SRL: variants seen among roughly 807,000 people sequenced by gnomAD.
The protein encoded by SRL is sarcalumenin.
Under a neutral mutation model 39.5 loss-of-function variants are expected in SRL, and 23 were observed. That is an observed-to-expected ratio of 0.58 (90% CI 0.42 to 0.82). SRL has a LOEUF of 0.82. Ranked by LOEUF, SRL falls within the 40% of genes least tolerant of loss-of-function variation. The pLI, the probability that SRL is intolerant of heterozygous loss-of-function variation, is 0.00. For synonymous variants in SRL, 272 were observed against 237.4 expected, an observed-to-expected ratio of 1.15 and a Z score of -1.34; for missense variants, 592 against 607.8, an observed-to-expected ratio of 0.97 and a Z score of 0.27.
At chr16:4,209,847 A>G (rs1173635974) in intron 1 of SRL, among the ~76,000 whole-genome samples, 1 of 152,186 alleles carries the variant, frequency 6.6e-6, no homozygotes, top group African/African-American at 2.4e-5. Flanking sequence ...GCCCTGCCCT[A>G]GATACATCAC....
At chr16:4,226,563 A>G (rs1393382238) in intron 1 of SRL, among the ~76,000 whole-genome samples, 1 of 151,882 alleles carries the variant, frequency 6.6e-6, no homozygotes, top group East Asian at 1.9e-4. Context: ...GGAAAGATGG[A>G]TGGATGGGCA....
chr16:4,224,640 G>A (rs187200243), intron 1 of SRL, among the ~76,000 whole-genome samples: 31 of 152,082 alleles, frequency 2.0e-4, no homozygotes, highest in South Asian at 1.5e-3. Flanking sequence ...GAGCCCAGGA[G>A]ACGGAGTTTG....
At chr16:4,226,391 C>G (rs556733040) in intron 1 of SRL, among the ~76,000 whole-genome samples, 2 of 148,456 alleles carry the variant, frequency 1.3e-5, no homozygotes, top group East Asian at 4.1e-4. Context: ...GATGGATGAA[C>G]AGATGAATGG....
intron 3 of SRL, among the ~76,000 whole-genome samples, chr16:4,198,639 G>A (rs12325189): frequency 0.052 from 7,918 of 152,038 alleles, 420 homozygotes; most frequent in East Asian, 0.31. Context: ...GTAGAGATGG[G>A]GTCTTGCAAC....
chr16:4,196,382 CTG>C (rs2141023645), intron 4 of SRL, among the ~76,000 whole-genome samples: 1 of 151,820 alleles, frequency 6.6e-6, no homozygotes, highest in East Asian at 1.9e-4. Flanking sequence ...ACTGAAAACT[CTG>C]TATCCATTAA....
intron 1 of SRL, among the ~76,000 whole-genome samples, chr16:4,208,320 C>G (rs1215285248): frequency 6.6e-6 from 1 of 152,138 alleles, no homozygotes; most frequent in South Asian, 2.1e-4. Context: ...AGCTGTGGAT[C>G]AGGGAGTTAA....
At position 4,215,769 on chromosome 16, in the gene SRL, G is replaced by A. The variant is rs1332363667; in HGVS notation, c.62-11135C>T. On this transcript the variant is annotated intron_variant, in intron 1 of 5. Coordinates refer to ENST00000399609, the MANE Select transcript of SRL (RefSeq NM_001098814.2). ...TCCCAGCACTTTGGGAGGCCGAGGTGAGAGGATCCCTAGAGCCCAGGAGTT... is the reference window on the plus strand; with the variant it reads ...TCCCAGCACTTTGGGAGGCCGAGGTAAGAGGATCCCTAGAGCCCAGGAGTT... Among the ~76,000 whole-genome samples, 4 of 152,292 alleles carry A rather than the reference G, an allele frequency of 2.6e-5. No homozygotes were observed. The East Asian group carries it at 5.8e-4, about 22-fold the overall frequency.
intron 1 of SRL, among the ~76,000 whole-genome samples, chr16:4,209,769 C>T (rs1255281559): frequency 6.6e-6 from 1 of 152,200 alleles, no homozygotes; most frequent in Non-Finnish European, 1.5e-5. Context: ...ATATGCATGG[C>T]CATTTAACCT....
chr16:4,230,134 A>C (rs1005343937), intron 1 of SRL, among the ~76,000 whole-genome samples: 1 of 151,824 alleles, frequency 6.6e-6, no homozygotes, highest in Non-Finnish European at 1.5e-5. Flanking sequence ...TACCACCACT[A>C]CTAGGCCGGG....
intron 1 of SRL, among the ~76,000 whole-genome samples, chr16:4,238,602 A>G: frequency 6.6e-6 from 1 of 151,310 alleles, no homozygotes; most frequent in African/African-American, 2.4e-5. Flanking sequence ...GCAGTTCCAC[A>G]GGCCACCATG....
chr16:4,223,432 C>A (rs1184028168), intron 1 of SRL, among the ~76,000 whole-genome samples: 1 of 151,864 alleles, frequency 6.6e-6, no homozygotes, highest in African/African-American at 2.4e-5. Context: ...AGCTGGAGTG[C>A]AGTGGTGCAA....
chr16:4,239,985 G>A (rs1157814448), intron 1 of SRL, among the ~76,000 whole-genome samples: 5 of 152,172 alleles, frequency 3.3e-5, no homozygotes, highest in South Asian at 4.1e-4. Flanking sequence ...GCATGGGCAC[G>A]GGCGACGGGT....
intron 1 of SRL, among the ~76,000 whole-genome samples, chr16:4,235,712 T>C (rs912636619): frequency 1.3e-5 from 2 of 150,930 alleles, no homozygotes; most frequent in African/African-American, 2.4e-5. Flanking sequence ...AAAAAATAAA[T>C]AAAAATTAAA....
At chr16:4,229,242 G>C (rs757852171) in intron 1 of SRL, among the ~76,000 whole-genome samples, 12 of 152,038 alleles carry the variant, frequency 7.9e-5, no homozygotes, top group East Asian at 3.9e-4. Context: ...AGGAGATCGA[G>C]ACCATCCTGG....
chr16:4,199,459 C>T (rs947928059), intron 3 of SRL, among the ~76,000 whole-genome samples: 2 of 146,010 alleles, frequency 1.4e-5, no homozygotes, highest in Non-Finnish European at 3.0e-5. Flanking sequence ...TAGCCTCAAC[C>T]TCCCAGGCTC....
chr16:4,235,476 A>G (rs1176348273), intron 1 of SRL, among the ~76,000 whole-genome samples: 2 of 152,200 alleles, frequency 1.3e-5, no homozygotes, highest in Non-Finnish European at 2.9e-5. Flanking sequence ...CAGGAGAATC[A>G]CTTGAGCCCA....
chr16:4,225,808 C>A (rs2052581771), intron 1 of SRL, among the ~76,000 whole-genome samples: 1 of 151,914 alleles, frequency 6.6e-6, no homozygotes, highest in Non-Finnish European at 1.5e-5. Flanking sequence ...AACAGGAGAC[C>A]CCCACTCCAC....
intron 1 of SRL, among the ~76,000 whole-genome samples, chr16:4,233,816 G>A (rs2052684494): frequency 6.6e-6 from 1 of 152,068 alleles, no homozygotes; most frequent in African/African-American, 2.4e-5. Flanking sequence ...CTGAGATTGT[G>A]CCATACCCTC....
In SRL at chr16:4,211,668, C is replaced by T. The variant is rs368412927; in HGVS notation, c.62-7034G>A. 1.5e-3 allele frequency among the ~76,000 whole-genome samples: 127 copies of T among 86,008 alleles called. 1 individual carries two copies. Among genetic ancestry groups the T allele is most frequent in the African/African-American group, 6.2e-3 (109 of 17,500 alleles). 56.4% of individuals were successfully genotyped at this position (86,008 alleles called of 152,430 possible). ...GTGATGATGATGGTGATGACCGTGC[C>T]GATGATGAGGATCGTGATGATGATG... On this transcript the variant is annotated intron_variant, in intron 1 of 5. Transcript: ENST00000399609.
Sources: gnomAD v4.1 joint callset for allele counts (sites outside exome capture counted in the v4.1 genomes callset) on GRCh38, gnomAD v4.1.1 for gene constraint, MANE v1.5 for transcripts, NCBI Gene and HGNC (gene_info 2026-07-23, HGNC 2026-07-21) for gene names.